ITCH: variants seen among roughly 807,000 people sequenced by gnomAD.
The protein encoded by ITCH is itchy E3 ubiquitin protein ligase.
In ITCH, 28 loss-of-function variants were observed where a neutral mutation model predicts 126.8. That is an observed-to-expected ratio of 0.22 (90% CI 0.16 to 0.30). The LOEUF (loss-of-function observed/expected upper bound fraction) is 0.30. Ranked by LOEUF, ITCH falls within the 10% of genes least tolerant of loss-of-function variation. The pLI is 1.00. For synonymous variants in ITCH, 342 were observed against 340.0 expected (o/e 1.01, Z -0.06); for missense variants, 631 against 1,032.4 (o/e 0.61, Z 5.33).
intron 16 of ITCH, among the ~76,000 whole-genome samples, chr20:34,472,133 T>C (rs560422815): frequency 1.3e-5 from 2 of 152,112 alleles, no homozygotes; most frequent in Non-Finnish European, 2.9e-5. Context: ...CCCAGCACTT[T>C]GGGAGGCTGA....
At position 34,502,448 on chromosome 20, in the gene ITCH, C is replaced by T. The variant is rs534870989; in HGVS notation, c.2417-1883C>T. Reference sequence around the variant, plus strand: ...AAATGTGACCAGGTACAGTGACTCACACCTGTAATCCCAGCACTTTGGGAG... The same window carrying T: ...AAATGTGACCAGGTACAGTGACTCATACCTGTAATCCCAGCACTTTGGGAG... On this transcript the variant is annotated intron_variant, in intron 23 of 24. Coordinates refer to ENST00000374864, the MANE Select transcript of ITCH (RefSeq NM_031483.7). Among the ~76,000 whole-genome samples the T allele has an allele frequency of 2.6e-5, 4 of 152,122 alleles. No individual in the cohort carries two copies. The South Asian group carries it at 8.3e-4, about 32-fold the overall frequency.
intron 7 of ITCH, among the ~76,000 whole-genome samples, chr20:34,434,195 T>G (rs769097907): frequency 1.4e-4 from 21 of 152,014 alleles, no homozygotes; most frequent in Non-Finnish European, 2.2e-4. Flanking sequence ...GAGGATCATA[T>G]GAGCCTGGGA....
At chr20:34,407,202 AT>A in intron 3 of ITCH, among the ~76,000 whole-genome samples, 1 of 152,268 alleles carries the variant, frequency 6.6e-6, no homozygotes, top group South Asian at 2.1e-4. Context: ...TAAAAAAAAA[AT>A]CTTAGTTTGT....
At chr20:34,460,662 A>G (rs1356401297) in intron 13 of ITCH, among the ~76,000 whole-genome samples, 1 of 152,142 alleles carries the variant, frequency 6.6e-6, no homozygotes, top group East Asian at 1.9e-4. Context: ...CAGCTTGTCT[A>G]GGGTCACAAG....
At chr20:34,416,753 T>C (rs938216943) in intron 6 of ITCH, among the ~76,000 whole-genome samples, 4 of 152,204 alleles carry the variant, frequency 2.6e-5, no homozygotes, top group African/African-American at 9.6e-5. Context: ...TAGCTGGCTT[T>C]ATATTCCCCT....
intron 4 of ITCH, among the ~76,000 whole-genome samples, chr20:34,411,316 T>G (rs898847420): frequency 6.6e-6 from 1 of 152,068 alleles, no homozygotes; most frequent in Admixed American, 6.6e-5. Context: ...CACTCTCAAC[T>G]AATTTTTTTG....
chr20:34,412,701 A>G, intron 5 of ITCH, 62 bp downstream of exon 5: 3 of 1,343,110 alleles, frequency 2.2e-6, no homozygotes, highest in South Asian at 1.2e-5. Context: ...AGAAATTTAT[A>G]TGTCAAACAT....
At chr20:34,391,823 A>G (rs1436344862) in intron 2 of ITCH, among the ~76,000 whole-genome samples, 1 of 152,164 alleles carries the variant, frequency 6.6e-6, no homozygotes, top group Non-Finnish European at 1.5e-5. Context: ...TCTTTTCTAC[A>G]TGAAGTTAAT....
chr20:34,392,721 T>G (rs2038529188), intron 2 of ITCH, among the ~76,000 whole-genome samples: 1 of 152,210 alleles, frequency 6.6e-6, no homozygotes, highest in Admixed American at 6.5e-5. Flanking sequence ...ATCTTATTTC[T>G]TCTTTTTTGA....
intron 13 of ITCH, among the ~76,000 whole-genome samples, chr20:34,460,370 T>G (rs1465643914): frequency 1.3e-5 from 2 of 151,092 alleles, no homozygotes; most frequent in Non-Finnish European, 3.0e-5. Context: ...TTTTTTTTTT[T>G]TTTGGGTAGA....
chr20:34,424,723 T>C (rs6119497), intron 7 of ITCH, among the ~76,000 whole-genome samples, 198 bp downstream of exon 7: 1 of 151,650 alleles, frequency 6.6e-6, no homozygotes, highest in Non-Finnish European at 1.5e-5. Context: ...GGGCTAGGGA[T>C]AACCAAATTG....
intron 15 of ITCH, 32 bp from the exon 16 acceptor site, chr20:34,471,412 G>T: frequency 1.5e-6 from 2 of 1,305,844 alleles, no homozygotes; most frequent in Non-Finnish European, 2.2e-6. Context: ...TTTTAATGAT[G>T]AGAGTTGACT....
chr20:34,479,321 T>A (rs1698107396), intron 17 of ITCH, among the ~76,000 whole-genome samples: 1 of 152,204 alleles, frequency 6.6e-6, no homozygotes, highest in African/African-American at 2.4e-5. Context: ...TTTTATAATA[T>A]CTCTGAAATT....
intron 2 of ITCH, among the ~76,000 whole-genome samples, chr20:34,372,975 CTT>C (rs749322692): frequency 1.5e-4 from 21 of 139,142 alleles, no homozygotes; most frequent in Admixed American, 2.2e-4. Context: ...GAATGTATTC[CTT>C]TTTTTTTTTT....
chr20:34,402,049 A>G, intron 3 of ITCH: 1 of 667,766 alleles, frequency 1.5e-6, no homozygotes. Context: ...TCATTATGGC[A>G]AAAACGAATT....
At chr20:34,399,510 T>C (rs2038795580) in intron 3 of ITCH, among the ~76,000 whole-genome samples, 1 of 150,918 alleles carries the variant, frequency 6.6e-6, no homozygotes, top group African/African-American at 2.4e-5. Flanking sequence ...GGAAAGAAGG[T>C]GGTGTTTGGA....
At chr20:34,436,894 A>C (rs1678460735) in intron 7 of ITCH, among the ~76,000 whole-genome samples, 1 of 152,184 alleles carries the variant, frequency 6.6e-6, no homozygotes, top group Admixed American at 6.5e-5. Flanking sequence ...TGGGAGGCCA[A>C]GGAGGGAGGA....
Position 34,457,408 on chromosome 20 carries a change from A to G in ITCH, c.1229A>G (p.Asn410Ser), listed in dbSNP as rs1986108865. The G allele has an allele frequency of 1.2e-6, 2 of 1,613,642 alleles. No homozygotes were observed. Among genetic ancestry groups the G allele is most frequent in the Non-Finnish European group, 1.7e-6 (2 of 1,179,628 alleles). Reference sequence around the variant, plus strand: ...CCCAAAGAGAAGAGAACAGACAGCAATGGCAGAGTATATTTCGTCAACCAC... The same window carrying G: ...CCCAAAGAGAAGAGAACAGACAGCAGTGGCAGAGTATATTTCGTCAACCAC... ...PPGWEKRTDS[N>S]GRVYFVNHNT... is the part of the protein sequence containing the mutation. Residue 410 changes from asparagine (N) to serine (S), a missense_variant, in exon 13 of 25, where the codon AAT becomes AGT. Physicochemically the swap from Asn to Ser is conservative, Grantham distance 46. Around this residue, in one of 4 missense-constraint regions of ITCH, gnomAD observed 390 missense variants for 731.6 expected, o/e 0.53. Transcript: ENST00000374864.
intron 3 of ITCH, among the ~76,000 whole-genome samples, chr20:34,397,904 T>C (rs747963691): frequency 1.3e-5 from 2 of 152,148 alleles, no homozygotes; most frequent in Non-Finnish European, 2.9e-5. Flanking sequence ...TTTTTACTGA[T>C]TTAAAAAAAT....
Sources: gnomAD v4.1 joint callset for allele counts (sites outside exome capture counted in the v4.1 genomes callset) on GRCh38, gnomAD v4.1.1 for gene constraint, gnomAD v4.1.1 regional missense constraint, MANE v1.5 for transcripts, NCBI Gene and HGNC (gene_info 2026-07-23, HGNC 2026-07-21) for gene names.